The following LDHA variants were observed in gnomAD, a reference collection of about 807,000 sequenced individuals.
The protein encoded by LDHA is lactate dehydrogenase A, also known as L-lactate dehydrogenase A chain.
Under a neutral mutation model 36.3 loss-of-function variants are expected in LDHA, and 10 were observed. The observed-to-expected ratio is 0.28, with a 90% CI of 0.17 to 0.47. The LOEUF (loss-of-function observed/expected upper bound fraction) is 0.47, where lower values mean the gene tolerates loss of function less well. Ranked by LOEUF, LDHA falls within the 20% of genes least tolerant of loss-of-function variation. LDHA has a pLI of 0.99. For synonymous variants in LDHA, 110 were observed against 136.7 expected (o/e 0.80, Z 1.36); for missense variants, 267 against 405.8 (o/e 0.66, Z 2.94).
Position 18,408,243 on chromosome 11 carries a change from C to G in LDHA, c.*962C>G, listed in dbSNP as rs771190916. 1 of 453,738 alleles carries G rather than the reference C, an allele frequency of 2.2e-6. No individual in the cohort carries two copies. Among genetic ancestry groups the G allele is most frequent in the Non-Finnish European group, 4.4e-6 (1 of 226,732 alleles). 28.1% of individuals were successfully genotyped at this position (453,738 alleles called of 1,614,324 possible). ...GTGCAGTGGCTCATGCCTATAATCC[C>G]AGCACTTTGGGAAGCCCAGGTGGGC... On this transcript the variant is annotated 3_prime_UTR_variant, in exon 8 of 8. Coordinates refer to ENST00000422447, the MANE Select transcript of LDHA (RefSeq NM_005566.4).
chr11:18,404,741 G>C (rs1192604490), intron 6 of LDHA, among the ~76,000 whole-genome samples: 1 of 149,004 alleles, frequency 6.7e-6, no homozygotes. Flanking sequence ...CCGGTAGTTG[G>C]AGCTTGCAGT....
At chr11:18,400,559 T>TG in intron 3 of LDHA, 1 of 394,696 alleles carries the variant, frequency 2.5e-6, no homozygotes. Flanking sequence ...ACGTTGAGCT[T>TG]GGGGATCAAA....
At position 18,407,977 on chromosome 11, in the gene LDHA, AAT is replaced by A. The variant is rs1218246988; in HGVS notation, c.*698_*699del. ...TTTTCTAACAGGGATATTATTGACTAATAGCAGAGGATGTAATAGTCAACTGA... is the reference window on the plus strand; with the variant it reads ...TTTTCTAACAGGGATATTATTGACTAAGCAGAGGATGTAATAGTCAACTGA... On this transcript the variant is annotated 3_prime_UTR_variant, in exon 8 of 8. Coordinates refer to ENST00000422447, the MANE Select transcript of LDHA (RefSeq NM_005566.4). 1.5e-5 allele frequency: 7 copies of A among 454,154 alleles called. No individual in the cohort carries two copies. Among genetic ancestry groups the A allele is most frequent in the Non-Finnish European group, 2.6e-5 (6 of 226,794 alleles). The allele number at this position is 454,154 out of a possible 1,614,324, so 28.1% of individuals were successfully genotyped here. A position where few individuals can be genotyped will look rare whatever the true frequency, so the allele number is the denominator to read the frequency against.
chr11:18,397,104 G>GAA, intron 2 of LDHA, 136 bp downstream of exon 2: 1 of 776,010 alleles, frequency 1.3e-6, no homozygotes, highest in Non-Finnish European at 2.2e-6. Context: ...AACTTTCTGT[G>GAA]AAACAAACTT....
At chr11:18,396,390 G>A (rs765795962) in intron 1 of LDHA, 2 of 404,012 alleles carry the variant, frequency 5.0e-6, no homozygotes, top group Admixed American at 4.4e-5. Context: ...AGGCTCCTGT[G>A]CCTTGGGCTT....
chr11:18,400,411 G>GTCC (rs903698018), intron 3 of LDHA: 1 of 267,156 alleles, frequency 3.7e-6, no homozygotes, highest in African/African-American at 2.7e-5. Context: ...TTAAAAACAA[G>GTCC]TCCCCCTACC....
chr11:18,397,052 C>A, intron 2 of LDHA, 84 bp downstream of exon 2: 1 of 1,222,462 alleles, frequency 8.2e-7, no homozygotes, highest in Non-Finnish European at 1.2e-6. Flanking sequence ...TGTATTATTA[C>A]ATTTCATGTA....
chr11:18,398,100 A>G (rs1468347566), intron 2 of LDHA, among the ~76,000 whole-genome samples: 1 of 151,658 alleles, frequency 6.6e-6, no homozygotes, highest in African/African-American at 2.4e-5. Flanking sequence ...GTGGGTAAGA[A>G]GAGTAACTGA....
chr11:18,395,792 C>T (rs973737091), intron 1 of LDHA, among the ~76,000 whole-genome samples: 1 of 152,236 alleles, frequency 6.6e-6, no homozygotes, highest in African/African-American at 2.4e-5. Context: ...TAGCTATTAA[C>T]TCTAGGGCTG....
chr11:18,401,955 C>CTCTCTCT (rs59534512), intron 4 of LDHA, among the ~76,000 whole-genome samples: 19 of 52,258 alleles, frequency 3.6e-4, no homozygotes, highest in African/African-American at 7.3e-4. Flanking sequence ...TTGTTATTCT[C>CTCTCTCT]TTTTTTTTTT....
At position 18,396,036 on chromosome 11, in the gene LDHA, G is replaced by A. The variant is rs4757651; in HGVS notation, c.-24-783G>A. On this transcript the variant is annotated intron_variant, in intron 1 of 7. Coordinates refer to ENST00000422447, the MANE Select transcript of LDHA (RefSeq NM_005566.4). ...GCTTCACGTTGCTGGCGTCTGCTTC[G>A]GGGCATTCATTAGGTCTGAAGTCTG... Among the ~76,000 whole-genome samples the A allele has an allele frequency of 0.1, 15,507 of 152,274 alleles. 896 individuals carry two copies. The highest frequency in any genetic ancestry group is 0.15 in the Admixed American group (2,234 of 15,300).
rs184074326 is a variant in LDHA at position 18,400,998 on chromosome 11, G to A, written c.406G>A (p.Val136Ile). 82 of 1,612,618 alleles carry A rather than the reference G, an allele frequency of 5.1e-5. No individual in the cohort carries two copies. The East Asian group carries it at 1.6e-3, about 32-fold the overall frequency. ...CAGCCCGAACTGCAAGTTGCTTATT[G>A]TTTCAAATCCAGGTGAGGCTTTTGA... ...KYSPNCKLLI[V>I]SNPVDILTYV... The change falls in exon 4 of 8, where the codon GTT (valine) becomes ATT (isoleucine). Residue 136 changes from valine (V) to isoleucine (I), a missense_variant. Physicochemically the swap from Val to Ile is conservative, Grantham distance 29. Transcript: ENST00000422447.
rs182677003 is a variant in LDHA, at chr11:18,404,841, C to T, written c.711-608C>T. Among the ~76,000 whole-genome samples, 530 of 147,290 alleles carry T rather than the reference C, an allele frequency of 3.6e-3. 3 individuals are homozygous for T. The highest frequency in any genetic ancestry group is 0.011 in the South Asian group (49 of 4,484). On this transcript the variant is annotated intron_variant, in intron 6 of 7. Transcript: ENST00000422447. ...AAGAATCATAATCTTTAGTTCATAA[C>T]ATATTCTTGTGATTGGTCAAGCAAG...
chr11:18,400,430 CACACA>C, intron 3 of LDHA: 1 of 336 alleles, frequency 3.0e-3, no homozygotes, highest in African/African-American at 0.013. Context: ...CCACCACCAC[CACACA>C]CACACACACA....
At position 18,400,960 on chromosome 11, in the gene LDHA, ATGT is replaced by A. The variant is rs1222856097; in HGVS notation, c.372_374del (p.Val125del). On this transcript the variant is annotated inframe_deletion, in exon 4 of 8. Coordinates refer to ENST00000422447, the MANE Select transcript of LDHA (RefSeq NM_005566.4). The stretch of plus-strand genomic sequence containing the variant: ...AACATCTTTAAATTCATCATTCCTA[ATGT>A]TGTAAAATACAGCCCGAACTGCAAG... The A allele has an allele frequency of 3.7e-6, 6 of 1,613,302 alleles. No individual in the cohort carries two copies. Among genetic ancestry groups the A allele is most frequent in the African/African-American group, 1.3e-5 (1 of 74,788 alleles).
At position 18,405,461 on chromosome 11, in the gene LDHA, G is replaced by T. The variant is rs1866651795; in HGVS notation, c.723G>T (p.Val241=). 1.9e-6 allele frequency: 3 copies of T among 1,613,154 alleles called. No homozygotes were observed. In the African/African-American group the frequency reaches 4.0e-5, roughly 22 times the overall value. The change falls in exon 7 of 8, where the codon GTG becomes GTT. Residue 241 remains valine, a synonymous_variant. Coordinates refer to ENST00000422447, the MANE Select transcript of LDHA (RefSeq NM_005566.4). ...TCCTATCATACAGTGCTTATGAGGT[G>T]ATCAAACTCAAAGGCTACACATCCT... ...HKQVVESAYE[V]IKLKGYTSWA...
chr11:18,395,512 C>CAGGT (rs1172836878), intron 1 of LDHA, among the ~76,000 whole-genome samples: 1 of 152,174 alleles, frequency 6.6e-6, no homozygotes, highest in Non-Finnish European at 1.5e-5. Flanking sequence ...GTGAAGCTAG[C>CAGGT]AGGTGTCCGC....
Position 18,407,286 on chromosome 11 carries a change from T to C in LDHA, c.*5T>C. ...CAAAAGGAGCTGCAATTTTAAAGTC[T>C]TCTGATGTCATATCATTTCACTGTC... On this transcript the variant is annotated 3_prime_UTR_variant, in exon 8 of 8. Transcript: ENST00000422447. The C allele has an allele frequency of 6.2e-7, 1 of 1,613,306 alleles. No individual in the cohort carries two copies. The highest frequency in any genetic ancestry group is 8.5e-7 in the Non-Finnish European group (1 of 1,179,786).
chr11:18,396,564 G>GAGGCTATA, intron 1 of LDHA: 1 of 1,365,190 alleles, frequency 7.3e-7, no homozygotes, highest in South Asian at 2.0e-5. Flanking sequence ...GAACCCTCAG[G>GAGGCTATA]AGGCTATACT....
Sources: gnomAD v4.1 joint callset for allele counts (sites outside exome capture counted in the v4.1 genomes callset) on GRCh38, gnomAD v4.1.1 for gene constraint, MANE v1.5 for transcripts, NCBI Gene and HGNC (gene_info 2026-07-23, HGNC 2026-07-21) for gene names.